The following PXDN variants were observed in gnomAD, a reference collection of about 807,000 sequenced individuals.
PXDN encodes the protein peroxidasin homolog.
A neutral mutation model predicts 140.3 loss-of-function variants in PXDN; 77 were observed. The ratio of observed to expected loss-of-function variants is 0.55; its 90% CI spans 0.46 to 0.66. PXDN has a LOEUF of 0.66. PXDN is among the 30% of genes least tolerant of loss of function. The probability of loss-of-function intolerance (pLI) is 0.00; values close to 1 mark genes in which losing one functional copy is unlikely to be tolerated. For synonymous variants in PXDN, 911 were observed against 857.4 expected (o/e 1.06, Z -1.09); for missense variants, 1,838 against 2,039.5 (o/e 0.90, Z 1.90).
At chr2:1,700,426 ATCACAT>A (rs1371010962) in intron 1 of PXDN, among the ~76,000 whole-genome samples, 1 of 151,820 alleles carries the variant, frequency 6.6e-6, no homozygotes, top group African/African-American at 2.4e-5. Flanking sequence ...AAGATTTTTG[ATCACAT>A]TTGGGTCACG....
chr2:1,656,768 C>G (rs977819095), intron 14 of PXDN, among the ~76,000 whole-genome samples: 1 of 145,758 alleles, frequency 6.9e-6, no homozygotes, highest in East Asian at 2.2e-4. Flanking sequence ...TGGGATCTGT[C>G]CCCTCCTGAC....
intron 8 of PXDN, 99 bp from the exon 9 acceptor site, chr2:1,673,911 A>G (rs1430951149): frequency 7.4e-6 from 10 of 1,343,362 alleles, no homozygotes; most frequent in African/African-American, 7.2e-5. Context: ...AGCAGGCACA[A>G]CTTGTGCGAG....
intron 19 of PXDN, among the ~76,000 whole-genome samples, chr2:1,642,903 A>G (rs983758683): frequency 4.6e-5 from 7 of 152,236 alleles, no homozygotes; most frequent in Non-Finnish European, 1.0e-4. Context: ...AGGGCTCCTC[A>G]CGAGATATTT....
chr2:1,719,876 AAGAGAGAGAGGGAGGGAGATTCAGAG>A (rs1684980360), intron 1 of PXDN, among the ~76,000 whole-genome samples: 1 of 78,552 alleles, frequency 1.3e-5, no homozygotes, highest in Admixed American at 1.1e-4. Flanking sequence ...GTGTGTGTGA[AAGAGAGAGAGGGAGGGAGATTCAGAG>A]AGAGAGGGAG....
At chr2:1,705,954 C>T (rs1238855555) in intron 1 of PXDN, among the ~76,000 whole-genome samples, 2 of 151,838 alleles carry the variant, frequency 1.3e-5, no homozygotes, top group African/African-American at 4.9e-5. Flanking sequence ...TACGGCCTCC[C>T]CCAGGCACTC....
Position 1,660,398 on chromosome 2 carries a change from A to G in PXDN, c.1837+483T>C, listed in dbSNP as rs1338405465. 6.6e-6 allele frequency among the ~76,000 whole-genome samples: 1 copy of G among 152,204 alleles called. No individual in the cohort carries two copies. The highest frequency in any genetic ancestry group is 1.9e-4 in the East Asian group (1 of 5,186). ...GGCTCTAGGACCACCGACTGGATCT[A>G]TGTAAGGCTGCCTACGAGCACCTAG... is the stretch of plus-strand genomic sequence containing the variant. On this transcript the variant is annotated intron_variant, in intron 14 of 22. Coordinates refer to ENST00000252804, the MANE Select transcript of PXDN (RefSeq NM_012293.3). The surrounding 1 kb of genome is among the most constrained non-coding windows in gnomAD (Gnocchi z 4.6).
chr2:1,674,326 C>T (rs893921360), intron 8 of PXDN, among the ~76,000 whole-genome samples: 3 of 152,210 alleles, frequency 2.0e-5, no homozygotes, highest in Non-Finnish European at 2.9e-5. Flanking sequence ...CCTCCTGCCT[C>T]GGGCTCCGAA....
intron 1 of PXDN, among the ~76,000 whole-genome samples, chr2:1,720,722 TCTCACACACA>T (rs1558526307): frequency 4.2e-4 from 17 of 40,506 alleles, no homozygotes; most frequent in African/African-American, 6.1e-4. Flanking sequence ...TCTCTCTCTC[TCTCACACACA>T]CACACACACA....
At chr2:1,711,563 T>TCCACCAGCAC (rs1684782765) in intron 1 of PXDN, among the ~76,000 whole-genome samples, 1 of 28,064 alleles carries the variant, frequency 3.6e-5, no homozygotes, top group African/African-American at 1.2e-4. Flanking sequence ...TCCACCAGCA[T>TCCACCAGCAC]CCACTCTCCA....
At chr2:1,713,585 G>A (rs1267881923) in intron 1 of PXDN, among the ~76,000 whole-genome samples, 1 of 152,230 alleles carries the variant, frequency 6.6e-6, no homozygotes, top group Non-Finnish European at 1.5e-5. Context: ...ACCAGAGGCT[G>A]TCTCCCTCAT....
chr2:1,679,924 G>GGT (rs762992690), intron 7 of PXDN, among the ~76,000 whole-genome samples: 1 of 129,284 alleles, frequency 7.7e-6, no homozygotes, highest in Admixed American at 8.0e-5. Context: ...GTGTGTGGAT[G>GGT]GTGTGTGTGT....
chr2:1,691,015 T>C (rs1179074494), intron 3 of PXDN, among the ~76,000 whole-genome samples: 1 of 152,168 alleles, frequency 6.6e-6, no homozygotes, highest in Non-Finnish European at 1.5e-5. Flanking sequence ...AGATGACGGG[T>C]TGATGGGTGC....
intron 1 of PXDN, among the ~76,000 whole-genome samples, chr2:1,729,622 G>A (rs994134815): frequency 7.2e-5 from 11 of 152,126 alleles, no homozygotes; most frequent in African/African-American, 2.7e-4. Context: ...CACCACTCGG[G>A]TGATGGGTGC....
At chr2:1,641,728 TA>T (rs1179275886) in intron 19 of PXDN, among the ~76,000 whole-genome samples, 2 of 152,212 alleles carry the variant, frequency 1.3e-5, no homozygotes, top group Non-Finnish European at 2.9e-5. Context: ...GAGGGGCTTG[TA>T]ACATGCGGGG....
chr2:1,668,165 A>G (rs1683490579), intron 9 of PXDN, among the ~76,000 whole-genome samples: 1 of 152,206 alleles, frequency 6.6e-6, no homozygotes, highest in Non-Finnish European at 1.5e-5. Flanking sequence ...CAACCATCTG[A>G]TCTTTGACAA....
intron 16 of PXDN, among the ~76,000 whole-genome samples, chr2:1,650,837 T>C (rs1399488319): frequency 6.6e-6 from 1 of 152,132 alleles, no homozygotes; most frequent in Non-Finnish European, 1.5e-5. Flanking sequence ...TTTCTAAAGT[T>C]TCTCCAGCCC....
Position 1,649,366 on chromosome 2 carries a change from G to C in PXDN, c.2414C>G (p.Thr805Arg). Residue 805 changes from threonine (T) to arginine (R), a missense_variant, in exon 17 of 23, where the codon ACG becomes AGG. Thr to Arg is a moderately conservative substitution (Grantham distance 71). This residue lies in a region of PXDN where 537 missense variants were observed against 583.9 expected (regional missense o/e 0.92). Coordinates refer to ENST00000252804, the MANE Select transcript of PXDN (RefSeq NM_012293.3). The surrounding 1 kb of genome is among the most constrained non-coding windows in gnomAD (Gnocchi z 7.1). Reference protein sequence around the residue: ...PRLVSTTLIGTETVTPDEQFT... With the variant: ...PRLVSTTLIGRETVTPDEQFT... Reference sequence around the variant, plus strand: ...CTGCTCGTCGGGTGTGACGGTCTCCGTCCCGATCAGGGTGGTGGACACCAG... The same window carrying C: ...CTGCTCGTCGGGTGTGACGGTCTCCCTCCCGATCAGGGTGGTGGACACCAG... 6.2e-7 allele frequency: 1 copy of C among 1,613,970 alleles called. No individual in the cohort carries two copies. Among genetic ancestry groups the C allele is most frequent in the South Asian group, 1.1e-5 (1 of 91,090 alleles).
Position 1,633,892 on chromosome 2 carries a change from A to C in PXDN, c.*312T>G, listed in dbSNP as rs183297961. 6.7e-4 allele frequency: 152 copies of C among 226,852 alleles called. 2 individuals carry two copies. Among genetic ancestry groups the C allele is most frequent in the Middle Eastern group, 3.1e-3 (2 of 648 alleles). The allele number at this position is 226,852 out of a possible 1,614,324, so 14.1% of individuals were successfully genotyped here. A position where few individuals can be genotyped will look rare whatever the true frequency, so the allele number is the denominator to read the frequency against. ...GAGGCAAAATCAATTTAGGCGCCTAAATGATTCAACTGTGCAATTTAATAG... is the reference window on the plus strand; with the variant it reads ...GAGGCAAAATCAATTTAGGCGCCTACATGATTCAACTGTGCAATTTAATAG... On this transcript the variant is annotated 3_prime_UTR_variant, in exon 23 of 23. Transcript: ENST00000252804.
rs931549433 is a variant in PXDN, at chr2:1,651,004, A to C, written c.2105-1329T>G. 6.6e-6 allele frequency among the ~76,000 whole-genome samples: 1 copy of C among 152,092 alleles called. No individual in the cohort carries two copies. On this transcript the variant is annotated intron_variant, in intron 16 of 22. Coordinates refer to ENST00000252804, the MANE Select transcript of PXDN (RefSeq NM_012293.3). The surrounding 1 kb of genome is among the most constrained non-coding windows in gnomAD (Gnocchi z 4.4). ...TTCCAGGCTGGGGAGAATAAGTCAG[A>C]AACACACACCCTGGTGTGTTGGGTG...
Sources: allele counts gnomAD v4.1 joint callset (sites outside exome capture counted in the v4.1 genomes callset), GRCh38; gene constraint gnomAD v4.1.1; regional missense constraint gnomAD v4.1.1; non-coding constraint Gnocchi (gnomAD v3.1); transcripts MANE v1.5; gene names NCBI Gene and HGNC (gene_info 2026-07-23, HGNC 2026-07-21).